Variants in HECW2 observed in about 807,000 individuals in gnomAD.
The protein encoded by HECW2 is HECT, C2 and WW domain containing E3 ubiquitin protein ligase 2, also known as E3 ubiquitin-protein ligase HECW2.
Under a neutral mutation model 175.2 loss-of-function variants are expected in HECW2, and 61 were observed. The observed-to-expected ratio is 0.35, with a 90% CI of 0.28 to 0.43. The LOEUF is 0.43. Among genes scored for constraint, HECW2 ranks in the 20% least tolerant of loss-of-function variants. The pLI is 1.00. For synonymous variants in HECW2, 671 were observed against 731.0 expected (o/e 0.92, Z 1.32); for missense variants, 1,524 against 2,000.5 (o/e 0.76, Z 4.54).
At chr2:196,545,073 A>G (rs1481335217) in intron 1 of HECW2, among the ~76,000 whole-genome samples, 1 of 152,150 alleles carries the variant, frequency 6.6e-6, no homozygotes, top group Admixed American at 6.5e-5. Context: ...AAAGAATGCT[A>G]ATGTATTCAT....
intron 1 of HECW2, among the ~76,000 whole-genome samples, chr2:196,499,142 C>A (rs78111866): frequency 6.6e-6 from 1 of 152,104 alleles, no homozygotes; most frequent in African/African-American, 2.4e-5. Context: ...AATTATTAAA[C>A]GCTTTCTCTG....
intron 2 of HECW2, among the ~76,000 whole-genome samples, chr2:196,392,316 A>G (rs973694410): frequency 5.3e-5 from 8 of 152,166 alleles, no homozygotes; most frequent in Admixed American, 2.0e-4. Flanking sequence ...ATAGCACTCT[A>G]TGCAGCTTCC....
chr2:196,572,367 C>A (rs551296999), intron 1 of HECW2, among the ~76,000 whole-genome samples: 1 of 151,948 alleles, frequency 6.6e-6, no homozygotes, highest in South Asian at 2.1e-4. Flanking sequence ...AATTTTTGTA[C>A]AGACGAAGTC....
At chr2:196,498,118 T>C (rs1439972792) in intron 1 of HECW2, among the ~76,000 whole-genome samples, 1 of 152,180 alleles carries the variant, frequency 6.6e-6, no homozygotes, top group Non-Finnish European at 1.5e-5. Flanking sequence ...AAGCTCTTCC[T>C]TGGCCCCTAC....
chr2:196,277,795 G>C (rs1198740527), intron 15 of HECW2, among the ~76,000 whole-genome samples: 22 of 151,886 alleles, frequency 1.4e-4, no homozygotes, highest in Non-Finnish European at 2.5e-4. Context: ...ATACTACGCA[G>C]CCATAAAAAA....
chr2:196,537,296 G>A (rs1297292242), intron 1 of HECW2, among the ~76,000 whole-genome samples: 2 of 152,102 alleles, frequency 1.3e-5, no homozygotes, highest in South Asian at 4.1e-4. Flanking sequence ...TGCTGTCCAT[G>A]TATGGGGACA....
chr2:196,219,832 T>G (rs905664826), intron 26 of HECW2, among the ~76,000 whole-genome samples: 2 of 152,156 alleles, frequency 1.3e-5, no homozygotes, highest in African/African-American at 2.4e-5. Context: ...CCTTTGACGG[T>G]GTGTAAACAG....
chr2:196,394,128 C>T (rs1282771553), intron 2 of HECW2, among the ~76,000 whole-genome samples: 1 of 150,834 alleles, frequency 6.6e-6, no homozygotes, highest in Non-Finnish European at 1.5e-5. Context: ...TGGGGAACAT[C>T]CCACACTGGG....
intron 17 of HECW2, among the ~76,000 whole-genome samples, chr2:196,269,931 T>C (rs1689665398): frequency 2.6e-5 from 4 of 152,160 alleles, no homozygotes; most frequent in Admixed American, 2.6e-4. Context: ...GGGTAGGGCA[T>C]GGGAGAACAG....
At chr2:196,590,393 T>C (rs1691144937) in intron 1 of HECW2, among the ~76,000 whole-genome samples, 1 of 152,188 alleles carries the variant, frequency 6.6e-6, no homozygotes, top group African/African-American at 2.4e-5. Context: ...GGCCTGGCTT[T>C]TGATAACAGA....
intron 2 of HECW2, among the ~76,000 whole-genome samples, chr2:196,372,486 C>T (rs1693935057): frequency 6.6e-6 from 1 of 152,132 alleles, no homozygotes; most frequent in African/African-American, 2.4e-5. Context: ...TAACATTTTC[C>T]CTTTCCAAGT....
chr2:196,439,146 T>G (rs2030994), intron 1 of HECW2, among the ~76,000 whole-genome samples: 143,991 of 152,312 alleles, frequency 0.95, 68,189 homozygotes, highest in East Asian at 1. Context: ...AAGGTTGTTT[T>G]AAGGATTGAA....
intron 1 of HECW2, among the ~76,000 whole-genome samples, chr2:196,567,118 G>A (rs890103343): frequency 6.6e-6 from 1 of 152,144 alleles, no homozygotes; most frequent in African/African-American, 2.4e-5. Context: ...CACATCTTGT[G>A]CTTCCCTCTG....
chr2:196,463,792 G>C (rs965773681), intron 1 of HECW2, among the ~76,000 whole-genome samples: 1 of 152,146 alleles, frequency 6.6e-6, no homozygotes, highest in Non-Finnish European at 1.5e-5. Context: ...GTGGCAGCCT[G>C]TACAGTGATC....
intron 2 of HECW2, among the ~76,000 whole-genome samples, chr2:196,386,000 T>C (rs1215608199): frequency 2.0e-5 from 3 of 152,204 alleles, no homozygotes; most frequent in Non-Finnish European, 4.4e-5. Flanking sequence ...ACCTCTACCC[T>C]CAACCCTGAA....
chr2:196,324,853 T>C (rs1461307183), intron 6 of HECW2, 127 bp downstream of exon 6: 1 of 658,352 alleles, frequency 1.5e-6, no homozygotes, highest in Non-Finnish European at 2.4e-6. Flanking sequence ...ATTCTCATTG[T>C]ACCCCTTCCC....
intron 1 of HECW2, among the ~76,000 whole-genome samples, chr2:196,514,298 CTCTGTA>C (rs1185953504): frequency 3.9e-5 from 6 of 152,360 alleles, no homozygotes; most frequent in African/African-American, 1.4e-4. Flanking sequence ...CCCCTGCCGC[CTCTGTA>C]TAGTCTGTAA....
chr2:196,557,660 A>C (rs1189530701), intron 1 of HECW2, among the ~76,000 whole-genome samples: 1 of 152,254 alleles, frequency 6.6e-6, no homozygotes, highest in Non-Finnish European at 1.5e-5. Context: ...TTAGGGCATA[A>C]GTAAAATAAA....
intron 1 of HECW2, among the ~76,000 whole-genome samples, chr2:196,506,772 T>TAC (rs1687774232): frequency 6.6e-6 from 1 of 152,058 alleles, no homozygotes; most frequent in African/African-American, 2.4e-5. Context: ...GCATAACTAT[T>TAC]ACAATTTTTA....
Sources: allele counts gnomAD v4.1 joint callset (sites outside exome capture counted in the v4.1 genomes callset), GRCh38; gene constraint gnomAD v4.1.1; transcripts MANE v1.5; gene names NCBI Gene and HGNC (gene_info 2026-07-23, HGNC 2026-07-21).